The following ASTN1 variants were observed in gnomAD, a reference collection of about 807,000 sequenced individuals.
ASTN1 encodes astrotactin 1.
In ASTN1, 41 loss-of-function variants were observed where a neutral mutation model predicts 140.7. The ratio of observed to expected loss-of-function variants is 0.29; its 90% CI spans 0.23 to 0.38. The LOEUF (loss-of-function observed/expected upper bound fraction) is 0.38, where lower values mean the gene tolerates loss of function less well. ASTN1 is among the 10% of genes least tolerant of loss of function. The probability of loss-of-function intolerance (pLI) is 1.00; values close to 1 mark genes in which losing one functional copy is unlikely to be tolerated. For missense variants in ASTN1, 1,479 were observed against 1,678.8 expected (o/e 0.88, Z 2.08); for synonymous variants, 640 against 652.2 (o/e 0.98, Z 0.29).
At chr1:176,859,470 C>T (rs1413130502), downstream of ASTN1, among the ~76,000 whole-genome samples, 1 of 152,118 alleles carries the variant, frequency 6.6e-6, no homozygotes, top group African/African-American at 2.4e-5. Context: ...ACTGTTGACC[C>T]CTGACTGGAT....
chr1:177,123,647 T>A (rs1681505662), intron 1 of ASTN1, among the ~76,000 whole-genome samples: 1 of 152,206 alleles, frequency 6.6e-6, no homozygotes, highest in African/African-American at 2.4e-5. Context: ...AGTGGGCTAC[T>A]GGGTGGCCCC....
At chr1:177,087,286 GC>G (rs1347844346) in intron 1 of ASTN1, among the ~76,000 whole-genome samples, 1 of 152,122 alleles carries the variant, frequency 6.6e-6, no homozygotes, top group African/African-American at 2.4e-5. Context: ...AGGTTTCCTG[GC>G]CATGCCTAAA....
In ASTN1 at chr1:176,934,350, G is replaced by C. The variant is rs755829062; in HGVS notation, c.2483-10C>G. On this transcript the variant is annotated splice_polypyrimidine_tract_variant and intron_variant, in intron 15 of 22. Coordinates refer to ENST00000361833, the MANE Select transcript of ASTN1 (RefSeq NM_004319.3). ...AGAGCATTGCTGAGGGCTATGGAGAGGCATCACCCAAGGGTAAGAATGAGG... is the reference window on the plus strand; with the variant it reads ...AGAGCATTGCTGAGGGCTATGGAGACGCATCACCCAAGGGTAAGAATGAGG... 1.3e-6 allele frequency: 2 copies of C among 1,596,726 alleles called. No individual in the cohort carries two copies. The highest frequency in any genetic ancestry group is 4.5e-5 in the East Asian group (2 of 44,476).
chr1:176,883,089 A>G, intron 19 of ASTN1, 95 bp from the exon 20 acceptor site: 1 of 1,513,120 alleles, frequency 6.6e-7, no homozygotes, highest in Non-Finnish European at 9.1e-7. Context: ...TAACATGACA[A>G]TGATTTGGTC....
rs146741932 is a variant in ASTN1 at position 176,964,553 on chromosome 1, T to G, written c.1598+610A>C. Among the ~76,000 whole-genome samples, 821 of 152,330 alleles carry G rather than the reference T, an allele frequency of 5.4e-3. 2 individuals carry two copies. The highest frequency in any genetic ancestry group is 8.8e-3 in the Non-Finnish European group (596 of 68,024). On this transcript the variant is annotated intron_variant, in intron 9 of 22. Coordinates refer to ENST00000361833, the MANE Select transcript of ASTN1 (RefSeq NM_004319.3). ...CTGGCTGGCACTCAAATTATTCCTC[T>G]GCTGTGGGCCTTTCTAATACGTGCT... is the stretch of plus-strand genomic sequence containing the variant.
chr1:177,110,041 C>T (rs1359185967), intron 1 of ASTN1, among the ~76,000 whole-genome samples: 1 of 152,076 alleles, frequency 6.6e-6, no homozygotes, highest in Admixed American at 6.5e-5. Flanking sequence ...CCCCCTTTCT[C>T]CATCCTTTCC....
At chr1:176,945,590 C>T (rs1379517495) in intron 13 of ASTN1, among the ~76,000 whole-genome samples, 1 of 152,202 alleles carries the variant, frequency 6.6e-6, no homozygotes, top group African/African-American at 2.4e-5. Context: ...GTGAAGACTG[C>T]TGTTCTAGAC....
At chr1:176,925,331 GATAA>G (rs564717070) in intron 16 of ASTN1, among the ~76,000 whole-genome samples, 167 of 152,262 alleles carry the variant, frequency 1.1e-3, no homozygotes, top group African/African-American at 3.7e-3. Context: ...AGGTCTTCAA[GATAA>G]ATATATAGAC....
intron 20 of ASTN1, among the ~76,000 whole-genome samples, chr1:176,878,246 G>A (rs1157822308): frequency 6.6e-6 from 1 of 152,202 alleles, no homozygotes; most frequent in African/African-American, 2.4e-5. Context: ...TGTCAGACCA[G>A]GACCAAGTGT....
At chr1:176,968,214 A>T (rs901286066) in intron 8 of ASTN1, among the ~76,000 whole-genome samples, 1 of 152,262 alleles carries the variant, frequency 6.6e-6, no homozygotes, top group African/African-American at 2.4e-5. Flanking sequence ...ATGTAATTAA[A>T]GTGCCTAGAA....
At chr1:176,958,983 A>G (rs1190753380) in intron 9 of ASTN1, among the ~76,000 whole-genome samples, 1 of 152,184 alleles carries the variant, frequency 6.6e-6, no homozygotes, top group Non-Finnish European at 1.5e-5. Flanking sequence ...TGAAGCCAAG[A>G]GCCTCCAGGG....
chr1:176,953,119 A>G (rs1334664084), intron 11 of ASTN1, among the ~76,000 whole-genome samples: 2 of 152,168 alleles, frequency 1.3e-5, no homozygotes, highest in African/African-American at 2.4e-5. Context: ...GATTTTTCCC[A>G]TTCAACTCCT....
chr1:177,163,713 A>G (rs765355959), intron 1 of ASTN1, among the ~76,000 whole-genome samples: 12 of 152,210 alleles, frequency 7.9e-5, no homozygotes, highest in Non-Finnish European at 1.6e-4. Flanking sequence ...CAGTTGTATA[A>G]TATCTTTAAC....
At chr1:176,901,810 A>G (rs1474746784) in intron 16 of ASTN1, among the ~76,000 whole-genome samples, 1 of 152,218 alleles carries the variant, frequency 6.6e-6, no homozygotes, top group Non-Finnish European at 1.5e-5. Flanking sequence ...GTGGTTCACA[A>G]CTGTCCAACA....
intron 20 of ASTN1, among the ~76,000 whole-genome samples, chr1:176,878,824 T>C (rs529269379): frequency 6.6e-6 from 1 of 152,262 alleles, no homozygotes; most frequent in Admixed American, 6.5e-5. Flanking sequence ...CATACCCGTG[T>C]TTCCTCCATA....
chr1:176,864,525 T>C lies in ASTN1; in HGVS notation c.3648-4A>G, dbSNP rs746012262. 9 of 1,613,818 alleles carry C rather than the reference T, an allele frequency of 5.6e-6. No individual in the cohort carries two copies. Among genetic ancestry groups the C allele is most frequent in the Middle Eastern group, 1.6e-4 (1 of 6,084 alleles). ...GGAAAGGATGAGACCAGCTTTCCTATGGATCAAGCACAGAGGATACTTAAG... is the reference window on the plus strand; with the variant it reads ...GGAAAGGATGAGACCAGCTTTCCTACGGATCAAGCACAGAGGATACTTAAG... On this transcript the variant is annotated splice_polypyrimidine_tract_variant and splice_region_variant and intron_variant, in intron 22 of 22. Transcript: ENST00000361833.
intron 1 of ASTN1, among the ~76,000 whole-genome samples, chr1:177,140,016 C>G (rs1037155134): frequency 2.0e-5 from 3 of 152,198 alleles, no homozygotes; most frequent in African/African-American, 7.2e-5. Context: ...TGAGAGACAG[C>G]ATCCCCCAAA....
At chr1:177,002,748 C>T (rs545811344) in intron 8 of ASTN1, among the ~76,000 whole-genome samples, 1 of 151,942 alleles carries the variant, frequency 6.6e-6, no homozygotes, top group South Asian at 2.1e-4. Context: ...GAAGAATAAA[C>T]CTTAATATTA....
chr1:176,985,510 C>A (rs566306522), intron 8 of ASTN1, among the ~76,000 whole-genome samples: 6 of 152,264 alleles, frequency 3.9e-5, no homozygotes, highest in South Asian at 2.1e-4. Context: ...AGACTCCAGG[C>A]TAAATCAAGT....
Sources: allele counts gnomAD v4.1 joint callset (sites outside exome capture counted in the v4.1 genomes callset), GRCh38; gene constraint gnomAD v4.1.1; transcripts MANE v1.5; gene names NCBI Gene and HGNC (gene_info 2026-07-23, HGNC 2026-07-21).